Variants in ADK observed in about 807,000 individuals in gnomAD.
ADK encodes adenosine kinase.
ADK carries 24 observed loss-of-function variants against 44.7 expected under a neutral mutation model. That is an observed-to-expected ratio of 0.54 (90% CI 0.39 to 0.76). ADK has a LOEUF of 0.76. ADK is among the 30% of genes least tolerant of loss of function. ADK has a pLI of 0.00. For missense variants in ADK, 321 were observed against 425.1 expected, an observed-to-expected ratio of 0.76 and a Z score of 2.15; for synonymous variants, 128 against 142.6, an observed-to-expected ratio of 0.90 and a Z score of 0.73.
chr10:74,205,774 G>T (rs1843574111), intron 2 of ADK, among the ~76,000 whole-genome samples: 2 of 148,342 alleles, frequency 1.3e-5, no homozygotes, highest in African/African-American at 5.0e-5. Flanking sequence ...TATCTCAATA[G>T]ACAAAGAAAA....
intron 4 of ADK, among the ~76,000 whole-genome samples, chr10:74,393,012 A>C (rs553430319): frequency 6.6e-6 from 1 of 152,136 alleles, no homozygotes; most frequent in Non-Finnish European, 1.5e-5. Context: ...TACAAATAAC[A>C]TCTCAATACT....
rs1468210029 is a variant in ADK, at chr10:74,655,491, C to T, written c.878-14692C>T. 2.1e-5 allele frequency: 10 copies of T among 484,346 alleles called. No individual in the cohort carries two copies. In the East Asian group the frequency reaches 3.9e-4, roughly 19 times the overall value. The allele number at this position is 484,346 out of a possible 1,614,324, so 30.0% of individuals were successfully genotyped here. A position where few individuals can be genotyped will look rare whatever the true frequency, so the allele number is the denominator to read the frequency against. Reference sequence around the variant, plus strand: ...ACTCGCAACATGCCTGTGCAGCTGCCACTGGCTCACTCAGGGTGGCTTTTT... The same window carrying T: ...ACTCGCAACATGCCTGTGCAGCTGCTACTGGCTCACTCAGGGTGGCTTTTT... On this transcript the variant is annotated intron_variant, in intron 9 of 10. Coordinates refer to ENST00000539909, the MANE Select transcript of ADK (RefSeq NM_006721.4).
chr10:74,268,336 C>A (rs2132399324), intron 3 of ADK, among the ~76,000 whole-genome samples: 1 of 152,164 alleles, frequency 6.6e-6, no homozygotes, highest in Non-Finnish European at 1.5e-5. Context: ...ACAGCAACAC[C>A]CCCCAACACA....
chr10:74,301,513 C>CAAAA (rs34310248), intron 3 of ADK, among the ~76,000 whole-genome samples: 2 of 56,660 alleles, frequency 3.5e-5, no homozygotes, highest in African/African-American at 1.2e-4. Context: ...GACTCTGTCT[C>CAAAA]AAAAAAAAAA....
chr10:74,188,237 A>G (rs1465942852), intron 1 of ADK, among the ~76,000 whole-genome samples: 1 of 151,378 alleles, frequency 6.6e-6, no homozygotes, highest in Non-Finnish European at 1.5e-5. Context: ...TGATGTTGGT[A>G]CTTCTTTTGA....
intron 9 of ADK, among the ~76,000 whole-genome samples, chr10:74,631,180 A>G (rs1269138239): frequency 2.6e-5 from 4 of 151,978 alleles, no homozygotes; most frequent in Non-Finnish European, 5.9e-5. Flanking sequence ...CTTTTATTGT[A>G]CACTAAGAAT....
intron 6 of ADK, among the ~76,000 whole-genome samples, chr10:74,441,700 A>G (rs1845410992): frequency 6.6e-6 from 1 of 152,196 alleles, no homozygotes; most frequent in South Asian, 2.1e-4. Context: ...CAAAAGCAAA[A>G]TTAAACAAAA....
intron 4 of ADK, among the ~76,000 whole-genome samples, chr10:74,376,104 T>C (rs1842813813): frequency 6.6e-6 from 1 of 152,140 alleles, no homozygotes; most frequent in Non-Finnish European, 1.5e-5. Flanking sequence ...ACTCTGTATT[T>C]TTCTGTTGAT....
chr10:74,583,256 A>G (rs1400806578), intron 7 of ADK, among the ~76,000 whole-genome samples: 1 of 152,198 alleles, frequency 6.6e-6, no homozygotes, highest in Non-Finnish European at 1.5e-5. Flanking sequence ...TCACTGCTAC[A>G]GCTGTTGCAG....
intron 6 of ADK, among the ~76,000 whole-genome samples, chr10:74,461,941 T>C (rs1846185082): frequency 6.6e-6 from 1 of 152,132 alleles, no homozygotes; most frequent in African/African-American, 2.4e-5. Context: ...CTGAAATATC[T>C]TGACTCAGGT....
intron 10 of ADK, among the ~76,000 whole-genome samples, chr10:74,699,148 CTTT>C (rs58818883): frequency 0.059 from 7,277 of 123,884 alleles, 298 homozygotes; most frequent in African/African-American, 0.11. Context: ...CCAACCTAGC[CTTT>C]TTTTTTTTTT....
At chr10:74,512,849 A>G (rs1049057251) in intron 6 of ADK, among the ~76,000 whole-genome samples, 1 of 151,824 alleles carries the variant, frequency 6.6e-6, no homozygotes, top group African/African-American at 2.4e-5. Context: ...GTTTATCATC[A>G]AGTTGTTTAC....
intron 7 of ADK, chr10:74,528,390 A>G (rs1849144206): frequency 1.3e-5 from 2 of 158,834 alleles, no homozygotes; most frequent in African/African-American, 4.8e-5. Context: ...TTTGGTAGAG[A>G]CAAAAGAGAA....
intron 1 of ADK, among the ~76,000 whole-genome samples, chr10:74,161,367 A>G (rs554509818): frequency 6.6e-6 from 1 of 152,054 alleles, no homozygotes; most frequent in South Asian, 2.1e-4. Flanking sequence ...ACACCTGGCT[A>G]AATTTGTGTA....
At chr10:74,666,370 A>T (rs1854956500) in intron 9 of ADK, among the ~76,000 whole-genome samples, 1 of 152,238 alleles carries the variant, frequency 6.6e-6, no homozygotes, top group African/African-American at 2.4e-5. Flanking sequence ...CAAATCTGTT[A>T]TCAACTGAAT....
intron 2 of ADK, among the ~76,000 whole-genome samples, chr10:74,201,184 C>T (rs7909915): frequency 0.17 from 25,958 of 152,034 alleles, 2,594 homozygotes; most frequent in African/African-American, 0.28. Context: ...CATTCTACCC[C>T]GAATGTGCCC....
intron 6 of ADK, among the ~76,000 whole-genome samples, chr10:74,458,148 G>C (rs1377223455): frequency 4.1e-5 from 5 of 121,966 alleles, no homozygotes; most frequent in Admixed American, 3.3e-4. Context: ...TTTTTTTTTG[G>C]GGGGAGAAGG....
intron 10 of ADK, among the ~76,000 whole-genome samples, chr10:74,705,693 A>C (rs187498528): frequency 1.6e-3 from 246 of 152,338 alleles, no homozygotes; most frequent in Middle Eastern, 3.4e-3. Context: ...GCACATGTTT[A>C]GCTTTTTAAG....
At chr10:74,594,380 A>AGGTGT (rs1851823447) in intron 8 of ADK, among the ~76,000 whole-genome samples, 1 of 149,320 alleles carries the variant, frequency 6.7e-6, no homozygotes, top group African/African-American at 2.5e-5. Flanking sequence ...AATTCAAATG[A>AGGTGT]AGTGTGTGTA....
Sources: gnomAD v4.1 joint callset for allele counts (sites outside exome capture counted in the v4.1 genomes callset) on GRCh38, gnomAD v4.1.1 for gene constraint, MANE v1.5 for transcripts, NCBI Gene and HGNC (gene_info 2026-07-23, HGNC 2026-07-21) for gene names.